Variants in TNXB observed in about 807,000 individuals in gnomAD.
The protein encoded by TNXB is tenascin-X.
A neutral mutation model predicts 340.5 loss-of-function variants in TNXB; 183 were observed. That is an observed-to-expected ratio of 0.54 (90% CI 0.48 to 0.61). TNXB has a LOEUF of 0.61. Among genes scored for constraint, TNXB ranks in the 20% least tolerant of loss-of-function variants. The pLI is 0.00. For synonymous variants in TNXB, 2,121 were observed against 2,314.5 expected (o/e 0.92, Z 2.40); for missense variants, 4,613 against 5,446.4 (o/e 0.85, Z 4.82).
At chr6:32,065,784 C>T (rs765468703) in intron 18 of TNXB, among the ~76,000 whole-genome samples, 11 of 151,864 alleles carry the variant, frequency 7.2e-5, no homozygotes, top group Non-Finnish European at 1.2e-4. Flanking sequence ...CACCACGCTC[C>T]GCTTTTTTGT....
rs1045684085 is a variant in TNXB at position 32,051,668 on chromosome 6, T to C, written c.9115+1002A>G. On this transcript the variant is annotated intron_variant, in intron 26 of 43. Transcript: ENST00000644971. The surrounding 1 kb of genome is among the most constrained non-coding windows in gnomAD (Gnocchi z 4.7). ...CCTATAATCCCAGCACTTTGGGAGG[T>C]CAAGGTGGGAGACTCGCTTGAGGCC... Among the ~76,000 whole-genome samples, 4 of 150,644 alleles carry C rather than the reference T, an allele frequency of 2.7e-5. No homozygotes were observed. Among genetic ancestry groups the C allele is most frequent in the Non-Finnish European group, 5.9e-5 (4 of 67,506 alleles).
rs934974850 is a variant in TNXB, at chr6:32,061,169, C to T, written c.7492+228G>A. Among the ~76,000 whole-genome samples the T allele has an allele frequency of 6.6e-5, 10 of 151,832 alleles. No individual in the cohort carries two copies. Among genetic ancestry groups the T allele is most frequent in the Admixed American group, 5.2e-4 (8 of 15,274 alleles). ...ATTCTCGTAAGTCAGGCTTGGTGTGCGCCTGACATATTTCACTCTTGGAGG... is the reference window on the plus strand; with the variant it reads ...ATTCTCGTAAGTCAGGCTTGGTGTGTGCCTGACATATTTCACTCTTGGAGG... On this transcript the variant is annotated intron_variant, in intron 21 of 43. Transcript: ENST00000644971. This position sits in a 1 kb window ranked among gnomAD's most constrained non-coding sequence, Gnocchi z 4.4.
At position 32,068,266 on chromosome 6, in the gene TNXB, C is replaced by T; in HGVS notation, c.6220+124G>A. ...AGGAAGGCCCAAGGGGAGCCCCAGCCCCAGCCACAAGCAGGTCTGTGGTGC... is the reference window on the plus strand; with the variant it reads ...AGGAAGGCCCAAGGGGAGCCCCAGCTCCAGCCACAAGCAGGTCTGTGGTGC... On this transcript the variant is annotated intron_variant, in intron 17 of 43. Coordinates refer to ENST00000644971, the MANE Select transcript of TNXB (RefSeq NM_001365276.2). The surrounding 1 kb of genome is among the most constrained non-coding windows in gnomAD (Gnocchi z 5.3). 1 of 1,399,378 alleles carries T rather than the reference C, an allele frequency of 7.1e-7. No homozygotes were observed. The highest frequency in any genetic ancestry group is 9.7e-7 in the Non-Finnish European group (1 of 1,036,258). 86.7% of individuals were successfully genotyped at this position (1,399,378 alleles called of 1,614,324 possible).
chr6:32,067,920 C>A lies in TNXB; in HGVS notation c.6285G>T (p.Glu2095Asp). ...TCACTGTTAGCTCCCCCAGGAGCGG[C>A]TCCTCAGCGGGCTCCGGGGCCTCCA... Reference protein sequence around the residue: ...PSMEAPEPAEEPLLGELTVTG... With the variant: ...PSMEAPEPAEDPLLGELTVTG... The change falls in exon 18 of 44, where the codon GAG (glutamate) becomes GAT (aspartate). Residue 2095 changes from glutamate to aspartate, a missense_variant. Glu to Asp is a conservative substitution (Grantham distance 45). Around this residue, in one of 7 missense-constraint regions of TNXB, gnomAD observed 4,327 missense variants for 4,859.4 expected, o/e 0.89. Transcript: ENST00000644971. The surrounding 1 kb of genome is among the most constrained non-coding windows in gnomAD (Gnocchi z 4.2). The A allele has an allele frequency of 1.2e-6, 2 of 1,612,634 alleles. No homozygotes were observed. Among genetic ancestry groups the A allele is most frequent in the Non-Finnish European group, 8.5e-7 (1 of 1,179,882 alleles).
Position 32,053,726 on chromosome 6 carries a change from G to A in TNXB, c.8468-15C>T, listed in dbSNP as rs374284303. Reference sequence around the variant, plus strand: ...ATCCTCTGGAGCTGGACAGACACGTGTGGGGAGAGTGAGGTCCCTGGGTTC... The same window carrying A: ...ATCCTCTGGAGCTGGACAGACACGTATGGGGAGAGTGAGGTCCCTGGGTTC... On this transcript the variant is annotated splice_polypyrimidine_tract_variant and intron_variant, in intron 24 of 43. Transcript: ENST00000644971. The A allele has an allele frequency of 4.9e-5, 79 of 1,605,048 alleles. No homozygotes were observed. Among genetic ancestry groups the A allele is most frequent in the Non-Finnish European group, 5.8e-5 (68 of 1,173,794 alleles).
Position 32,050,124 on chromosome 6 carries a change from G to C in TNXB, c.9313C>G (p.Arg3105Gly), listed in dbSNP as rs1562791705. ...ACCCCGTCCTCGTGCCCCGGCACCC[G>C]CACCGCCTTGGGCTGCCCATCCCCA... ...RNGDGQPKAV[R>G]VPGHEDGVTI... The change falls in exon 27 of 44, where the codon CGG becomes GGG. Residue 3105 changes from arginine to glycine, a missense_variant. Arg to Gly is a moderately radical substitution (Grantham distance 125). Coordinates refer to ENST00000644971, the MANE Select transcript of TNXB (RefSeq NM_001365276.2). The C allele has an allele frequency of 1.9e-6, 3 of 1,613,760 alleles. No homozygotes were observed. The highest frequency in any genetic ancestry group is 2.5e-6 in the Non-Finnish European group (3 of 1,179,876).
At position 32,070,511 on chromosome 6, in the gene TNXB, G is replaced by A. The variant is rs1778711401; in HGVS notation, c.4991-97C>T. On this transcript the variant is annotated intron_variant, in intron 13 of 43. Coordinates refer to ENST00000644971, the MANE Select transcript of TNXB (RefSeq NM_001365276.2). The surrounding 1 kb of genome is among the most constrained non-coding windows in gnomAD (Gnocchi z 6.0). ...AAACCCAGAACTGCCCAAATGCTCA[G>A]TGCTTCCCCAAAATATTTCCATCAC... is the stretch of plus-strand genomic sequence containing the variant. The A allele has an allele frequency of 7.8e-7, 1 of 1,284,644 alleles. No homozygotes were observed. Among genetic ancestry groups the A allele is most frequent in the East Asian group, 2.5e-5 (1 of 39,248 alleles). The allele number at this position is 1,284,644 out of a possible 1,614,324, so 79.6% of individuals were successfully genotyped here.
At position 32,053,575 on chromosome 6, in the gene TNXB, C is replaced by A; in HGVS notation, c.8604G>T (p.Glu2868Asp). The A allele has an allele frequency of 6.2e-7, 1 of 1,613,682 alleles. No individual in the cohort carries two copies. The highest frequency in any genetic ancestry group is 2.2e-5 in the East Asian group (1 of 44,872). The change falls in exon 25 of 44, where the codon GAG (glutamate) becomes GAT (aspartate). Residue 2868 changes from glutamate to aspartate, a missense_variant. Glu to Asp is a conservative substitution (Grantham distance 45, BLOSUM62 2). Around this residue, in one of 7 missense-constraint regions of TNXB, gnomAD observed 4,327 missense variants for 4,859.4 expected, o/e 0.89. Transcript: ENST00000644971. The stretch of plus-strand genomic sequence containing the variant: ...GGACCAGGAAGTGGTCAAACTGGCC[C>A]TCGGGGACCATCCAGGACAGGCTGA... ...DSLSLSWMVP[E>D]GQFDHFLVQY...
intron 23 of TNXB, 141 bp downstream of exon 23, chr6:32,056,445 G>A: frequency 1.4e-6 from 2 of 1,410,124 alleles, no homozygotes; most frequent in East Asian, 2.5e-5. Flanking sequence ...AGCCTCAGAG[G>A]AAGGCCCAAG....
rs750782563 is a variant in TNXB at position 32,088,823 on chromosome 6, C to T, written c.2741G>A (p.Arg914Gln). 1.8e-5 allele frequency: 29 copies of T among 1,579,826 alleles called. No homozygotes were observed. The highest frequency in any genetic ancestry group is 4.0e-5 in the African/African-American group (3 of 74,298). ...GACAGAAGCTGGGTAGCTGACTGCC[C>T]GGCCCCGCTCCGCTGTGACAGTCAC... is the stretch of plus-strand genomic sequence containing the variant. Reference protein sequence around the residue: ...YVVTVTAERGRAVSYPASVRA... With the variant: ...YVVTVTAERGQAVSYPASVRA... The change falls in exon 6 of 44, where the codon CGG becomes CAG. Residue 914 changes from arginine to glutamine, a missense_variant. Arg to Gln is a conservative substitution (Grantham distance 43). Transcript: ENST00000644971.
chr6:32,076,896 T>C (rs1308914696), intron 11 of TNXB, among the ~76,000 whole-genome samples: 4 of 152,104 alleles, frequency 2.6e-5, no homozygotes, highest in Non-Finnish European at 5.9e-5. Context: ...GCAGGAGGAC[T>C]GCTTGAACCT....
intron 1 of TNXB, among the ~76,000 whole-genome samples, chr6:32,101,491 G>A (rs550573797): frequency 3.4e-4 from 52 of 151,818 alleles, no homozygotes; most frequent in African/African-American, 1.3e-3. Context: ...AGGTTTCACC[G>A]TGTTAGCCAG....
rs1217253186 is a variant in TNXB, at chr6:32,043,801, G to A, written c.11478C>T (p.Val3826=). 6.2e-7 allele frequency: 1 copy of A among 1,613,558 alleles called. No homozygotes were observed. The highest frequency in any genetic ancestry group is 1.3e-5 in the African/African-American group (1 of 75,022). Residue 3826 remains valine, a synonymous_variant, in exon 35 of 44, where the codon GTC becomes GTT. Coordinates refer to ENST00000644971, the MANE Select transcript of TNXB (RefSeq NM_001365276.2). Reference sequence around the variant, plus strand: ...CACTCTCCTCAAAGCCTCGGACCGAGACCACGGTCACCTCATAGCGAGCGC... The same window carrying A: ...CACTCTCCTCAAAGCCTCGGACCGAAACCACGGTCACCTCATAGCGAGCGC... ...IPGARYEVTV[V]SVRGFEESEP...
In TNXB at chr6:32,052,788, C is replaced by T. The variant is rs1777366685; in HGVS notation, c.8997G>A (p.Arg2999=). ...CCACGGTGACCTCGCTCTCCTCGCC[C>T]CTGACACGCACCACCTGGGGCCGCC... ...RDGRPQVVRV[R]GEESEVTVGG... is the part of the protein sequence containing the mutation. Residue 2999 remains arginine (R), a synonymous_variant, in exon 26 of 44, where the codon AGG becomes AGA. Coordinates refer to ENST00000644971, the MANE Select transcript of TNXB (RefSeq NM_001365276.2). This position sits in a 1 kb window ranked among gnomAD's most constrained non-coding sequence, Gnocchi z 4.7. 4 of 1,613,700 alleles carry T rather than the reference C, an allele frequency of 2.5e-6. No individual in the cohort carries two copies. The highest frequency in any genetic ancestry group is 3.3e-5 in the Admixed American group (2 of 60,006).
At position 32,062,150 on chromosome 6, in the gene TNXB, C is replaced by T. The variant is rs1778057214; in HGVS notation, c.7168+7G>A. 1.9e-6 allele frequency: 3 copies of T among 1,608,484 alleles called. No individual in the cohort carries two copies. The Admixed American group carries it at 5.0e-5, about 27-fold the overall frequency. On this transcript the variant is annotated splice_region_variant and intron_variant, in intron 20 of 43. Transcript: ENST00000644971. This position sits in a 1 kb window ranked among gnomAD's most constrained non-coding sequence, Gnocchi z 4.3. The stretch of plus-strand genomic sequence containing the variant: ...CTCCCACCCTGGGGCTCCCATCGTC[C>T]ACTCACCTGTCACCCCGATGGCAGA...
At chr6:32,078,926 G>A (rs1215154370) in intron 11 of TNXB, 107 bp downstream of exon 11, 4 of 1,224,306 alleles carry the variant, frequency 3.3e-6, no homozygotes, top group Non-Finnish European at 3.4e-6. Context: ...GTCTTCCCCT[G>A]GCAGGCAGCC....
chr6:32,041,480 A>C lies in TNXB; in HGVS notation c.12634-30T>G, dbSNP rs897633330. On this transcript the variant is annotated intron_variant, in intron 43 of 43. Transcript: ENST00000644971. ...GAAAGGGGTTGTCAAGAGAGAGTCAAAGCCGGATGTCCCATCTGCTCTTCC... is the reference window on the plus strand; with the variant it reads ...GAAAGGGGTTGTCAAGAGAGAGTCACAGCCGGATGTCCCATCTGCTCTTCC... The C allele has an allele frequency of 6.2e-6, 7 of 1,128,086 alleles. No individual in the cohort carries two copies. The African/African-American group carries it at 1.0e-4, about 16-fold the overall frequency. The allele number at this position is 1,128,086 out of a possible 1,614,324, so 69.9% of individuals were successfully genotyped here.
In TNXB at chr6:32,089,399, G is replaced by A. The variant is rs754823563; in HGVS notation, c.2359-20C>T. ...CTCTGTCTGTGAGAGAGAGCACCAG[G>A]TGGCTCAGGGGCTGGCACTCTTGCC... On this transcript the variant is annotated intron_variant, in intron 4 of 43. Transcript: ENST00000644971. The surrounding 1 kb of genome is among the most constrained non-coding windows in gnomAD (Gnocchi z 6.2). 1 of 1,596,208 alleles carries A rather than the reference G, an allele frequency of 6.3e-7. No homozygotes were observed. Among genetic ancestry groups the A allele is most frequent in the East Asian group, 2.2e-5 (1 of 44,512 alleles).
chr6:32,098,453 G>T (rs909598201), intron 1 of TNXB, among the ~76,000 whole-genome samples: 3 of 149,218 alleles, frequency 2.0e-5, no homozygotes, highest in African/African-American at 2.5e-5. Context: ...CCCTACACTG[G>T]TTTTTTTGTT....
Sources: allele counts gnomAD v4.1 joint callset (sites outside exome capture counted in the v4.1 genomes callset), GRCh38; gene constraint gnomAD v4.1.1; regional missense constraint gnomAD v4.1.1; non-coding constraint Gnocchi (gnomAD v3.1); transcripts MANE v1.5; gene names NCBI Gene and HGNC (gene_info 2026-07-23, HGNC 2026-07-21).